FILIP1: variants seen among roughly 807,000 people sequenced by gnomAD.
The protein encoded by FILIP1 is filamin-A-interacting protein 1.
Under a neutral mutation model 102.1 loss-of-function variants are expected in FILIP1, and 61 were observed. The observed-to-expected ratio is 0.60, with a 90% CI of 0.49 to 0.74. The LOEUF is 0.74. Ranked by LOEUF, FILIP1 falls within the 30% of genes least tolerant of loss-of-function variation. The pLI is 0.00. For missense variants in FILIP1, 1,314 were observed against 1,441.2 expected, an observed-to-expected ratio of 0.91 and a Z score of 1.43; for synonymous variants, 491 against 526.9, an observed-to-expected ratio of 0.93 and a Z score of 0.93.
At chr6:75,422,715 C>T (rs1235920332) in intron 1 of FILIP1, among the ~76,000 whole-genome samples, 1 of 152,150 alleles carries the variant, frequency 6.6e-6, no homozygotes, top group East Asian at 1.9e-4. Flanking sequence ...GTGGCTTAAC[C>T]ACCTGATAGA....
chr6:75,379,195 A>C (rs1340649118), intron 2 of FILIP1, among the ~76,000 whole-genome samples: 1 of 152,242 alleles, frequency 6.6e-6, no homozygotes, highest in Non-Finnish European at 1.5e-5. Context: ...AAGGATATAC[A>C]GTTGATTCAC....
intron 4 of FILIP1, among the ~76,000 whole-genome samples, chr6:75,344,544 A>C (rs1774516151): frequency 6.6e-6 from 1 of 152,256 alleles, no homozygotes; most frequent in South Asian, 2.1e-4. Flanking sequence ...CCTGGTGGTC[A>C]GAGAATGGCC....
intron 1 of FILIP1, among the ~76,000 whole-genome samples, chr6:75,472,011 C>A: frequency 6.6e-6 from 1 of 151,992 alleles, no homozygotes; most frequent in East Asian, 1.9e-4. Flanking sequence ...TAAGGAGACT[C>A]TATTACTAAC....
chr6:75,373,959 C>T (rs1775664202), intron 2 of FILIP1, among the ~76,000 whole-genome samples: 1 of 152,056 alleles, frequency 6.6e-6, no homozygotes, highest in African/African-American at 2.4e-5. Context: ...TCACTGCACT[C>T]CAGCTGGGGC....
chr6:75,348,399 C>T (rs951517595), intron 4 of FILIP1, among the ~76,000 whole-genome samples: 2 of 152,114 alleles, frequency 1.3e-5, no homozygotes, highest in African/African-American at 4.8e-5. Flanking sequence ...ATTAACAGTG[C>T]TAATTAAGCC....
intron 2 of FILIP1, among the ~76,000 whole-genome samples, chr6:75,396,659 T>C (rs1188685366): frequency 6.6e-6 from 1 of 152,088 alleles, no homozygotes; most frequent in Non-Finnish European, 1.5e-5. Flanking sequence ...GAGGCAGTGA[T>C]ACTCAAGAGG....
At chr6:75,486,205 G>T (rs1208941906) in intron 1 of FILIP1, among the ~76,000 whole-genome samples, 1 of 152,174 alleles carries the variant, frequency 6.6e-6, no homozygotes, top group Non-Finnish European at 1.5e-5. Flanking sequence ...GCAGACAAAA[G>T]CCCCAACAGT....
intron 1 of FILIP1, among the ~76,000 whole-genome samples, chr6:75,471,272 GA>G (rs1208358495): frequency 6.6e-6 from 1 of 151,656 alleles, no homozygotes; most frequent in Non-Finnish European, 1.5e-5. Context: ...CAAGTACTAG[GA>G]GAAGGTATTT....
chr6:75,374,259 A>G (rs911653403), intron 2 of FILIP1, among the ~76,000 whole-genome samples: 3 of 152,196 alleles, frequency 2.0e-5, no homozygotes, highest in Non-Finnish European at 4.4e-5. Context: ...TAAATTCTAA[A>G]AGACTGCAAG....
At chr6:75,311,727 C>CCT (rs1434393218) in intron 5 of FILIP1, among the ~76,000 whole-genome samples, 2 of 152,122 alleles carry the variant, frequency 1.3e-5, no homozygotes, top group Non-Finnish European at 2.9e-5. Context: ...GAACTCCTGA[C>CCT]CTCAGGTAAT....
chr6:75,443,325 G>A lies in FILIP1; in HGVS notation c.-6-28347C>T, dbSNP rs145407712. ...TATGCCAAAAGCATTAGCATTACAA[G>A]CATTAATCAATTTTTAATAGATTAT... On this transcript the variant is annotated intron_variant, in intron 1 of 5. Transcript: ENST00000237172. 1.5e-3 allele frequency among the ~76,000 whole-genome samples: 235 copies of A among 152,174 alleles called. 1 individual carries two copies. Among genetic ancestry groups the A allele is most frequent in the African/African-American group, 5.2e-3 (214 of 41,524 alleles).
intron 1 of FILIP1, among the ~76,000 whole-genome samples, chr6:75,438,997 C>T (rs1778114607): frequency 6.6e-6 from 1 of 152,172 alleles, no homozygotes; most frequent in Non-Finnish European, 1.5e-5. Context: ...AGGCTGCTGA[C>T]CAATGTGATA....
chr6:75,478,470 G>A (rs185044970), intron 1 of FILIP1, among the ~76,000 whole-genome samples: 10 of 152,300 alleles, frequency 6.6e-5, no homozygotes, highest in African/African-American at 2.4e-4. Context: ...GCTTAGGTGA[G>A]CATCAGCCTC....
At chr6:75,474,540 G>C (rs1291632393) in intron 1 of FILIP1, among the ~76,000 whole-genome samples, 2 of 152,032 alleles carry the variant, frequency 1.3e-5, no homozygotes, top group Admixed American at 1.3e-4. Flanking sequence ...GCAAACAGAG[G>C]GACCAAAAGA....
chr6:75,421,439 A>G (rs1777460586), intron 1 of FILIP1, among the ~76,000 whole-genome samples: 3 of 152,110 alleles, frequency 2.0e-5, no homozygotes, highest in African/African-American at 7.2e-5. Context: ...AAGTCATGGT[A>G]TATGTTTAGG....
At chr6:75,367,273 C>T (rs1775369083) in intron 2 of FILIP1, 1 of 152,114 alleles carries the variant, frequency 6.6e-6, no homozygotes, top group Non-Finnish European at 1.5e-5. Context: ...TGATATAATA[C>T]ATTGTATTTA....
downstream of FILIP1, among the ~76,000 whole-genome samples, chr6:75,307,030 T>C (rs1773007778): frequency 6.6e-6 from 1 of 152,276 alleles, no homozygotes; most frequent in African/African-American, 2.4e-5. Flanking sequence ...CTCGAACTCC[T>C]GGCCTCAAGT....
At chr6:75,442,220 A>C (rs1778286467) in intron 1 of FILIP1, among the ~76,000 whole-genome samples, 1 of 148,924 alleles carries the variant, frequency 6.7e-6, no homozygotes, top group East Asian at 2.0e-4. Flanking sequence ...GGCGCTCCTC[A>C]CTTCCTAGAT....
intron 1 of FILIP1, among the ~76,000 whole-genome samples, chr6:75,492,935 G>A (rs1780006709): frequency 6.6e-6 from 1 of 152,150 alleles, no homozygotes; most frequent in Admixed American, 6.5e-5. Context: ...GGCAAAAGGA[G>A]ACACATGCAA....
Sources: allele counts gnomAD v4.1 joint callset (sites outside exome capture counted in the v4.1 genomes callset), GRCh38; gene constraint gnomAD v4.1.1; transcripts MANE v1.5; gene names NCBI Gene and HGNC (gene_info 2026-07-23, HGNC 2026-07-21).